PEX14: variants seen among roughly 807,000 people sequenced by gnomAD.
The protein encoded by PEX14 is peroxisomal membrane protein PEX14.
A neutral mutation model predicts 49.5 loss-of-function variants in PEX14; 15 were observed. The ratio of observed to expected loss-of-function variants is 0.30; its 90% CI spans 0.20 to 0.47. The LOEUF (loss-of-function observed/expected upper bound fraction) is 0.47, where lower values mean the gene tolerates loss of function less well. Ranked by LOEUF, PEX14 falls within the 20% of genes least tolerant of loss-of-function variation. PEX14 has a pLI of 1.00. For synonymous variants in PEX14, 210 were observed against 212.7 expected, an observed-to-expected ratio of 0.99 and a Z score of 0.11; for missense variants, 398 against 494.8, an observed-to-expected ratio of 0.80 and a Z score of 1.86.
chr1:10,617,780 T>C (rs1641468830), intron 4 of PEX14, among the ~76,000 whole-genome samples: 2 of 152,040 alleles, frequency 1.3e-5, no homozygotes, highest in Admixed American at 1.3e-4. Flanking sequence ...TTGTGTTTTC[T>C]CTCCTCTGGC....
chr1:10,609,547 C>CACCA lies in PEX14; in HGVS notation c.299-8783_299-8780dup, dbSNP rs1641217855. On this transcript the variant is annotated intron_variant, in intron 4 of 8. Coordinates refer to ENST00000356607, the MANE Select transcript of PEX14 (RefSeq NM_004565.3). ...TCCCCTGCCTCTGGTTTCTGTTAAC[C>CACCA]ACCAATCTCTGCTCTGTCACTGTAG... Among the ~76,000 whole-genome samples, 3 of 152,266 alleles carry CACCA rather than the reference C, an allele frequency of 2.0e-5. No homozygotes were observed. The South Asian group carries it at 6.2e-4, about 32-fold the overall frequency.
At chr1:10,602,460 A>T (rs1557867912) in intron 4 of PEX14, among the ~76,000 whole-genome samples, 1 of 152,168 alleles carries the variant, frequency 6.6e-6, no homozygotes, top group Non-Finnish European at 1.5e-5. Flanking sequence ...AATATAGAGA[A>T]ACAAGACTTT....
intron 3 of PEX14, among the ~76,000 whole-genome samples, chr1:10,560,605 A>G (rs768183304): frequency 3.7e-4 from 56 of 151,648 alleles, no homozygotes; most frequent in Non-Finnish European, 6.5e-4. Flanking sequence ...TTCTGACCTC[A>G]GGTGATCTGC....
chr1:10,533,156 T>G (rs1638698034), intron 2 of PEX14, among the ~76,000 whole-genome samples: 1 of 152,096 alleles, frequency 6.6e-6, no homozygotes, highest in African/African-American at 2.4e-5. Context: ...ATGTAGCCAC[T>G]TCTCAGGGTG....
At chr1:10,561,993 C>T (rs923829163) in intron 3 of PEX14, among the ~76,000 whole-genome samples, 5 of 152,080 alleles carry the variant, frequency 3.3e-5, no homozygotes, top group Non-Finnish European at 5.9e-5. Flanking sequence ...CTCAGCCTCC[C>T]GAATAGCTAG....
intron 2 of PEX14, among the ~76,000 whole-genome samples, chr1:10,506,430 C>T (rs917396689): frequency 2.6e-5 from 4 of 152,266 alleles, no homozygotes; most frequent in South Asian, 2.1e-4. Flanking sequence ...AGGCATGCGC[C>T]GCCATGCCCG....
At chr1:10,587,996 G>A (rs775331224) in intron 3 of PEX14, among the ~76,000 whole-genome samples, 1 of 148,032 alleles carries the variant, frequency 6.8e-6, no homozygotes, top group Non-Finnish European at 1.5e-5. Context: ...GAGGCCGAGC[G>A]AGTAGATCAC....
intron 5 of PEX14, 85 bp downstream of exon 5, chr1:10,618,502 G>GTGCCTCCAT: frequency 9.7e-7 from 1 of 1,035,548 alleles, no homozygotes; most frequent in Non-Finnish European, 1.5e-6. Context: ...CCTGCATGGA[G>GTGCCTCCAT]GCACTGCCGT....
At chr1:10,583,203 C>T (rs556752879) in intron 3 of PEX14, among the ~76,000 whole-genome samples, 43 of 151,174 alleles carry the variant, frequency 2.8e-4, no homozygotes, top group African/African-American at 9.5e-4. Context: ...TTGGGGTTTC[C>T]GTTTATTTAT....
At chr1:10,480,568 G>A (rs573589253) in intron 1 of PEX14, among the ~76,000 whole-genome samples, 2 of 151,686 alleles carry the variant, frequency 1.3e-5, no homozygotes, top group South Asian at 2.1e-4. Context: ...TAATTTTTTT[G>A]TATTTTTAGT....
At chr1:10,603,623 C>T (rs527553255) in intron 4 of PEX14, among the ~76,000 whole-genome samples, 5 of 152,088 alleles carry the variant, frequency 3.3e-5, no homozygotes, top group East Asian at 1.9e-4. Context: ...GGCTTTACAT[C>T]GGGAGTCAGT....
intron 3 of PEX14, among the ~76,000 whole-genome samples, chr1:10,556,017 T>G (rs911712726): frequency 6.6e-6 from 1 of 151,458 alleles, no homozygotes; most frequent in African/African-American, 2.4e-5. Context: ...GGGCTGGCAC[T>G]GCGGAGCCAG....
chr1:10,522,265 G>A (rs1474569043), intron 2 of PEX14, among the ~76,000 whole-genome samples: 2 of 152,254 alleles, frequency 1.3e-5, no homozygotes, highest in Admixed American at 1.3e-4. Context: ...GCCAGTGACA[G>A]CAGTCTATCC....
intron 3 of PEX14, among the ~76,000 whole-genome samples, chr1:10,581,305 CTTTT>C (rs71583884): frequency 3.2e-5 from 4 of 126,974 alleles, no homozygotes; most frequent in Admixed American, 1.6e-4. Flanking sequence ...CTTTGTTATC[CTTTT>C]TTTTTTTTTT....
chr1:10,503,178 AG>A (rs1409030075), intron 2 of PEX14, among the ~76,000 whole-genome samples: 2 of 148,188 alleles, frequency 1.3e-5, no homozygotes, highest in African/African-American at 2.5e-5. Flanking sequence ...TTTCTCCTAG[AG>A]GCTTAGGCAT....
At chr1:10,582,596 C>T (rs922364906) in intron 3 of PEX14, among the ~76,000 whole-genome samples, 1 of 152,190 alleles carries the variant, frequency 6.6e-6, no homozygotes, top group Non-Finnish European at 1.5e-5. Flanking sequence ...AGAAGCTACT[C>T]TGATGGCTGG....
At position 10,618,337 on chromosome 1, in the gene PEX14, G is replaced by A. The variant is rs753731034; in HGVS notation, c.304G>A (p.Ala102Thr). ...CCTCCTCTTCCCGCCTGTAGGTCCCGCAGGCTCCCGATGGCGAGATTACGG... is the reference window on the plus strand; with the variant it reads ...CCTCCTCTTCCCGCCTGTAGGTCCCACAGGCTCCCGATGGCGAGATTACGG... ...PHLISQPYSP[A>T]GSRWRDYGAL... The change falls in exon 5 of 9, where the codon GCA becomes ACA. Residue 102 changes from alanine to threonine, a missense_variant. By Grantham distance (58) the Ala-to-Thr change is moderately conservative. This residue lies in a region of PEX14 where 202 missense variants were observed against 298.5 expected (regional missense o/e 0.68). Transcript: ENST00000356607. The A allele has an allele frequency of 4.1e-5, 66 of 1,613,438 alleles. No homozygotes were observed. The highest frequency in any genetic ancestry group is 1.3e-4 in the Admixed American group (8 of 60,012).
chr1:10,476,994 C>G (rs968143788), intron 1 of PEX14, among the ~76,000 whole-genome samples: 3 of 152,146 alleles, frequency 2.0e-5, no homozygotes, highest in Non-Finnish European at 4.4e-5. Flanking sequence ...TCTGCTTCTC[C>G]TTTGCCCTCC....
chr1:10,582,177 CTTTTTT>C (rs879519117), intron 3 of PEX14, among the ~76,000 whole-genome samples: 2 of 145,064 alleles, frequency 1.4e-5, no homozygotes, highest in Non-Finnish European at 3.0e-5. Flanking sequence ...TGATAAACAG[CTTTTTT>C]TTTTTAAGAG....
Sources: allele counts gnomAD v4.1 joint callset (sites outside exome capture counted in the v4.1 genomes callset), GRCh38; gene constraint gnomAD v4.1.1; regional missense constraint gnomAD v4.1.1; transcripts MANE v1.5; gene names NCBI Gene and HGNC (gene_info 2026-07-23, HGNC 2026-07-21).